The following DPP10 variants were observed in gnomAD, a reference collection of about 807,000 sequenced individuals.
The protein encoded by DPP10 is dipeptidyl peptidase like 10.
In DPP10, 33 loss-of-function variants were observed where a neutral mutation model predicts 120.9. That is an observed-to-expected ratio of 0.27 (90% CI 0.21 to 0.37). The LOEUF is 0.37. DPP10 is among the 10% of genes least tolerant of loss of function. DPP10 has a pLI of 1.00. For synonymous variants in DPP10, 337 were observed against 326.1 expected (o/e 1.03, Z -0.36); for missense variants, 816 against 942.8 (o/e 0.87, Z 1.76).
At chr2:114,912,960 G>A (rs1405112083) in intron 1 of DPP10, among the ~76,000 whole-genome samples, 1 of 152,172 alleles carries the variant, frequency 6.6e-6, no homozygotes, top group Non-Finnish European at 1.5e-5. Context: ...TCCTCTAGGT[G>A]GCTTTAGCCT....
rs1346563510 is a variant in DPP10, at chr2:115,840,738, G to T, written c.2183-12G>T. The T allele has an allele frequency of 1.2e-6, 2 of 1,611,298 alleles. No individual in the cohort carries two copies. The highest frequency in any genetic ancestry group is 1.7e-5 in the Admixed American group (1 of 59,622). On this transcript the variant is annotated splice_polypyrimidine_tract_variant and intron_variant, in intron 24 of 25. Coordinates refer to ENST00000410059, the MANE Select transcript of DPP10 (RefSeq NM_020868.6). ...TGTGTTTCTTCAGATATCATAATTT[G>T]ATTTCTTGCAGCAAAAGTTCATTTC...
At chr2:114,772,282 C>T (rs562150618) in intron 1 of DPP10, among the ~76,000 whole-genome samples, 7 of 151,910 alleles carry the variant, frequency 4.6e-5, no homozygotes, top group African/African-American at 9.7e-5. Context: ...CTCAGCCCAC[C>T]GAGTAGCTGG....
chr2:114,945,840 A>G (rs1213744529), intron 1 of DPP10, among the ~76,000 whole-genome samples: 1 of 151,928 alleles, frequency 6.6e-6, no homozygotes, highest in Non-Finnish European at 1.5e-5. Flanking sequence ...AAAAACAAAC[A>G]CCATTTGTAG....
intron 7 of DPP10, among the ~76,000 whole-genome samples, chr2:115,700,387 T>C (rs908055820): frequency 3.9e-5 from 6 of 152,006 alleles, no homozygotes; most frequent in African/African-American, 1.4e-4. Context: ...AACACCCTTA[T>C]ATGACTAAAA....
intron 1 of DPP10, among the ~76,000 whole-genome samples, chr2:115,208,360 C>T (rs557108917): frequency 1.1e-4 from 17 of 151,962 alleles, no homozygotes; most frequent in African/African-American, 4.1e-4. Flanking sequence ...CCACTGCACC[C>T]GGCTAATTTA....
chr2:115,694,008 T>C (rs2091454980), intron 7 of DPP10, among the ~76,000 whole-genome samples: 1 of 152,144 alleles, frequency 6.6e-6, no homozygotes, highest in Non-Finnish European at 1.5e-5. Flanking sequence ...AACTTTAGGG[T>C]GACTAGTTTT....
At chr2:115,665,208 A>C (rs1216454518) in intron 5 of DPP10, among the ~76,000 whole-genome samples, 1 of 152,230 alleles carries the variant, frequency 6.6e-6, no homozygotes, top group African/African-American at 2.4e-5. Context: ...GATGACAGAC[A>C]GCAGAGCACA....
At chr2:114,810,095 C>A (rs1490914314) in intron 1 of DPP10, among the ~76,000 whole-genome samples, 5 of 152,284 alleles carry the variant, frequency 3.3e-5, no homozygotes, top group African/African-American at 1.2e-4. Flanking sequence ...AAATCCAGCA[C>A]CATTTCCTCT....
intron 3 of DPP10, among the ~76,000 whole-genome samples, chr2:115,450,484 A>G (rs950434157): frequency 1.3e-5 from 2 of 151,872 alleles, no homozygotes; most frequent in African/African-American, 2.4e-5. Flanking sequence ...CGAAACTTTG[A>G]TTTGAAACAC....
At chr2:114,534,961 C>A (rs1686359784) in intron 1 of DPP10, among the ~76,000 whole-genome samples, 1 of 152,050 alleles carries the variant, frequency 6.6e-6, no homozygotes, top group Non-Finnish European at 1.5e-5. Flanking sequence ...TTTCAATTTT[C>A]TTTGATACTG....
chr2:114,740,657 C>T (rs1387094314), intron 1 of DPP10, among the ~76,000 whole-genome samples: 1 of 152,108 alleles, frequency 6.6e-6, no homozygotes, highest in Non-Finnish European at 1.5e-5. Flanking sequence ...GTTTATTTTT[C>T]ACTCTAAGCC....
chr2:114,859,208 C>A (rs888078024), intron 1 of DPP10, among the ~76,000 whole-genome samples: 11 of 150,964 alleles, frequency 7.3e-5, no homozygotes, highest in East Asian at 3.9e-4. Flanking sequence ...AACAAAAAAA[C>A]CCCACAGAAT....
intron 1 of DPP10, among the ~76,000 whole-genome samples, chr2:114,837,827 C>A (rs1335347703): frequency 1.3e-5 from 2 of 152,196 alleles, no homozygotes; most frequent in African/African-American, 2.4e-5. Context: ...AGTTTTCTCA[C>A]CCACCTCTGC....
intron 19 of DPP10, among the ~76,000 whole-genome samples, chr2:115,806,980 T>A (rs1456995522): frequency 6.6e-6 from 1 of 152,142 alleles, no homozygotes; most frequent in East Asian, 1.9e-4. Flanking sequence ...TTTGGTGTGT[T>A]TATAAAATGT....
At chr2:114,625,027 T>A (rs1388047879) in intron 1 of DPP10, among the ~76,000 whole-genome samples, 2 of 151,990 alleles carry the variant, frequency 1.3e-5, no homozygotes, top group African/African-American at 4.8e-5. Context: ...TAATAAGGAA[T>A]TAACAATAAT....
At chr2:115,742,320 T>C (rs1446492) in intron 9 of DPP10, among the ~76,000 whole-genome samples, 86,291 of 151,930 alleles carry the variant, frequency 0.57, 25,923 homozygotes, top group East Asian at 0.72. Context: ...CAAGTTAACA[T>C]ATACATATGG....
chr2:114,762,718 A>G lies in DPP10; in HGVS notation c.60+319880A>G, dbSNP rs78364846. ...GCAGCATCAGAAAAGATCCATAACA[A>G]CATTCTGAGCAGAGCCTTAACCACT... On this transcript the variant is annotated intron_variant, in intron 1 of 25. Coordinates refer to ENST00000410059, the MANE Select transcript of DPP10 (RefSeq NM_020868.6). Among the ~76,000 whole-genome samples, 740 of 152,310 alleles carry G rather than the reference A, an allele frequency of 4.9e-3. 6 individuals carry two copies. The highest frequency in any genetic ancestry group is 0.017 in the African/African-American group (711 of 41,562).
intron 3 of DPP10, among the ~76,000 whole-genome samples, chr2:115,416,275 T>C (rs948781789): frequency 1.3e-4 from 20 of 152,250 alleles, no homozygotes; most frequent in South Asian, 4.1e-4. Context: ...TCCACACTTA[T>C]TGGTTTCCTG....
chr2:115,637,797 A>C (rs575604807), intron 5 of DPP10, among the ~76,000 whole-genome samples: 1 of 152,318 alleles, frequency 6.6e-6, no homozygotes, highest in Admixed American at 6.5e-5. Flanking sequence ...GGACAAGAAC[A>C]GTGGCCATCC....
Sources: allele counts gnomAD v4.1 joint callset (sites outside exome capture counted in the v4.1 genomes callset), GRCh38; gene constraint gnomAD v4.1.1; transcripts MANE v1.5; gene names NCBI Gene and HGNC (gene_info 2026-07-23, HGNC 2026-07-21).